LCN6: variants seen among roughly 807,000 people sequenced by gnomAD.
LCN6 encodes epididymal-specific lipocalin-6.
A neutral mutation model predicts 21.4 loss-of-function variants in LCN6; 20 were observed. The ratio of observed to expected loss-of-function variants is 0.93; its 90% CI spans 0.66 to 1.36. LCN6 has a LOEUF of 1.36. Ranked by LOEUF, LCN6 falls within the 40% of genes most tolerant of loss-of-function variation. LCN6 has a pLI of 0.00. For missense variants in LCN6, 217 were observed against 206.6 expected (o/e 1.05, Z -0.31); for synonymous variants, 96 against 89.0 (o/e 1.08, Z -0.44).
rs1213223914 is a variant in LCN6 at position 136,747,438 on chromosome 9, C to T, written c.216G>A (p.Leu72=). 6.2e-7 allele frequency: 1 copy of T among 1,613,354 alleles called. No individual in the cohort carries two copies. The highest frequency in any genetic ancestry group is 2.2e-5 in the East Asian group (1 of 44,894). ...TLTPENNLRT[L]SSQHGLGGCD... ...CGCCCACTCACCCGTGCTGAGAGGA[C>T]AGCGTCCGCAGGTTGTTTTCTGGAG... The change falls in exon 2 of 7, where the codon CTG becomes CTA. Residue 72 remains leucine (L), a synonymous_variant. Coordinates refer to ENST00000341206, the MANE Select transcript of LCN6 (RefSeq NM_198946.3).
Position 136,745,272 on chromosome 9 carries a change from C to G in LCN6, c.310G>C (p.Val104Leu), listed in dbSNP as rs142669236. Reference sequence around the variant, plus strand: ...GTGGCCAGCACCCAGAGCTCCAGCACGCCTATTGCTAGGAAACAAAACCCC... The same window carrying G: ...GTGGCCAGCACCCAGAGCTCCAGCAGGCCTATTGCTAGGAAACAAAACCCC... ...GWVFENPSIG[V>L]LELWVLATNF... Residue 104 changes from valine (V) to leucine (L), a missense_variant, in exon 4 of 7, where the codon GTG becomes CTG. Transcript: ENST00000341206. The G allele has an allele frequency of 1.2e-6, 2 of 1,612,052 alleles. No individual in the cohort carries two copies. The highest frequency in any genetic ancestry group is 1.7e-4 in the Middle Eastern group (1 of 6,060).
At chr9:136,747,639 G>GCTCTCCAGC (rs1847061097) in intron 1 of LCN6, 76 bp from the exon 2 acceptor site, 2 of 971,608 alleles carry the variant, frequency 2.1e-6, no homozygotes, top group African/African-American at 2.9e-5. Context: ...TCCAGCCTCA[G>GCTCTCCAGC]CCTCCAGCCT....
In LCN6 at chr9:136,744,288, C is replaced by A. The variant is rs2811724; in HGVS notation, c.*48+51G>T. ...CCACTGTGCGTAGGGTGGCCTCCCCCACCCCCTTCCCCCAAGAGAGCCCAG... is the reference window on the plus strand; with the variant it reads ...CCACTGTGCGTAGGGTGGCCTCCCCAACCCCCTTCCCCCAAGAGAGCCCAG... On this transcript the variant is annotated intron_variant, in intron 6 of 6. Transcript: ENST00000341206. This position sits in a 1 kb window ranked among gnomAD's most constrained non-coding sequence, Gnocchi z 4.2. 149,520 of 200,472 alleles carry A rather than the reference C, an allele frequency of 0.75. 57,841 individuals carry two copies. The highest frequency in any genetic ancestry group is 0.99 in the East Asian group (8,814 of 8,904). The allele number at this position is 200,472 out of a possible 1,614,324, so 12.4% of individuals were successfully genotyped here.
Position 136,748,386 on chromosome 9 carries a change from G to T in LCN6, c.90+8C>A. The stretch of plus-strand genomic sequence containing the variant: ...GACCAGCTCTCCCCACCCCCAGGAG[G>T]ACTGTACCTGCTCAGGGTCCAGTCT... On this transcript the variant is annotated splice_region_variant and intron_variant, in intron 1 of 6. Coordinates refer to ENST00000341206, the MANE Select transcript of LCN6 (RefSeq NM_198946.3). The T allele has an allele frequency of 6.2e-7, 1 of 1,609,040 alleles. No homozygotes were observed. The highest frequency in any genetic ancestry group is 1.1e-5 in the South Asian group (1 of 90,290).
chr9:136,745,339 G>C, intron 3 of LCN6, 59 bp from the exon 4 acceptor site: 1 of 1,203,884 alleles, frequency 8.3e-7, no homozygotes, highest in Non-Finnish European at 1.2e-6. Flanking sequence ...TCCAGGGGCC[G>C]CTGAGCTGAT....
rs752064359 is a variant in LCN6, at chr9:136,748,379, C to A, written c.90+15G>T. Reference sequence around the variant, plus strand: ...CCCCGAGGACCAGCTCTCCCCACCCCCAGGAGGACTGTACCTGCTCAGGGT... The same window carrying A: ...CCCCGAGGACCAGCTCTCCCCACCCACAGGAGGACTGTACCTGCTCAGGGT... On this transcript the variant is annotated intron_variant, in intron 1 of 6. Transcript: ENST00000341206. 5.0e-6 allele frequency: 8 copies of A among 1,605,898 alleles called. No individual in the cohort carries two copies. The highest frequency in any genetic ancestry group is 1.7e-6 in the Non-Finnish European group (2 of 1,176,192).
chr9:136,746,934 C>G (rs1460273620), intron 2 of LCN6: 1 of 153,612 alleles, frequency 6.5e-6, no homozygotes, highest in Non-Finnish European at 1.4e-5. Context: ...ACGCCGCCAC[C>G]AGCCATGCAT....
chr9:136,744,594 G>T lies in LCN6; in HGVS notation c.*22+46C>A. 3 of 1,276,076 alleles carry T rather than the reference G, an allele frequency of 2.4e-6. No homozygotes were observed. Among genetic ancestry groups the T allele is most frequent in the East Asian group, 4.9e-5 (2 of 40,784 alleles). The allele number at this position is 1,276,076 out of a possible 1,614,324, so 79.0% of individuals were successfully genotyped here. A position where few individuals can be genotyped will look rare whatever the true frequency, so the allele number is the denominator to read the frequency against. On this transcript the variant is annotated intron_variant, in intron 5 of 6. Coordinates refer to ENST00000341206, the MANE Select transcript of LCN6 (RefSeq NM_198946.3). This position sits in a 1 kb window ranked among gnomAD's most constrained non-coding sequence, Gnocchi z 4.2. ...ACCCCATCACGCCCTGTGGGCTCCA[G>T]AACTTGCCCCAAGCCTCCCCCGAGG...
Position 136,744,797 on chromosome 9 carries a change from CGGGGAGGGGCT to C in LCN6, c.413-67_413-57del. The C allele has an allele frequency of 2.0e-6, 1 of 503,638 alleles. No individual in the cohort carries two copies. Among genetic ancestry groups the C allele is most frequent in the Non-Finnish European group, 4.0e-6 (1 of 252,068 alleles). 31.2% of individuals were successfully genotyped at this position (503,638 alleles called of 1,614,324 possible). ...CAACCTCTGAGAGCTGGGGAGGGGC[CGGGGAGGGGCT>C]GGGAAGGGTCAGGAAGGAGGCCACC... On this transcript the variant is annotated intron_variant, in intron 4 of 6. Transcript: ENST00000341206. The surrounding 1 kb of genome is among the most constrained non-coding windows in gnomAD (Gnocchi z 4.2).
chr9:136,745,626 G>A lies in LCN6; in HGVS notation c.301+218C>T. The A allele has an allele frequency of 6.6e-6, 4 of 605,306 alleles. No homozygotes were observed. The Admixed American group carries it at 1.2e-4, about 18-fold the overall frequency. 37.5% of individuals were successfully genotyped at this position (605,306 alleles called of 1,614,324 possible). On this transcript the variant is annotated intron_variant, in intron 3 of 6. Coordinates refer to ENST00000341206, the MANE Select transcript of LCN6 (RefSeq NM_198946.3). The stretch of plus-strand genomic sequence containing the variant: ...CGCCCTCTGCACCTATGGGGACCTT[G>A]GCTGGACCTCACTGGTGTCTGAGCC...
At chr9:136,747,680 A>AGCCGCC (rs1564327577) in intron 1 of LCN6, 117 bp from the exon 2 acceptor site, 1 of 879,698 alleles carries the variant, frequency 1.1e-6, no homozygotes, top group African/African-American at 2.4e-5. Context: ...TCCACCCTCC[A>AGCCGCC]ACCATCCAGC....
chr9:136,745,049 T>C (rs577950865), intron 4 of LCN6, 121 bp downstream of exon 4: 2 of 907,994 alleles, frequency 2.2e-6, no homozygotes, highest in Middle Eastern at 2.4e-4. Context: ...AGCGGCCCAC[T>C]CACCACACAG....
Position 136,744,573 on chromosome 9 carries a change from C to T in LCN6, c.*22+67G>A. 1.0e-6 allele frequency: 1 copy of T among 982,106 alleles called. No individual in the cohort carries two copies. The highest frequency in any genetic ancestry group is 1.6e-6 in the Non-Finnish European group (1 of 635,742). 60.8% of individuals were successfully genotyped at this position (982,106 alleles called of 1,614,324 possible). A position where few individuals can be genotyped will look rare whatever the true frequency, so the allele number is the denominator to read the frequency against. Reference sequence around the variant, plus strand: ...ATCAACCCCAGGGTCTCTGTCACCCCATCACGCCCTGTGGGCTCCAGAACT... The same window carrying T: ...ATCAACCCCAGGGTCTCTGTCACCCTATCACGCCCTGTGGGCTCCAGAACT... On this transcript the variant is annotated intron_variant, in intron 5 of 6. Coordinates refer to ENST00000341206, the MANE Select transcript of LCN6 (RefSeq NM_198946.3). The surrounding 1 kb of genome is among the most constrained non-coding windows in gnomAD (Gnocchi z 4.2).
At chr9:136,745,706 TG>T (rs1847028186) in intron 3 of LCN6, 137 bp downstream of exon 3, 2 of 751,812 alleles carry the variant, frequency 2.7e-6, no homozygotes, top group Non-Finnish European at 4.7e-6. Flanking sequence ...ACCCTCAGGA[TG>T]GGCAGCAATC....
Position 136,747,481 on chromosome 9 carries a change from C to A in LCN6, c.173G>T (p.Gly58Val), listed in dbSNP as rs73554091. The A allele has an allele frequency of 6.2e-7, 1 of 1,613,674 alleles. No homozygotes were observed. The highest frequency in any genetic ancestry group is 8.5e-7 in the Non-Finnish European group (1 of 1,179,876). Residue 58 changes from glycine to valine, a missense_variant, in exon 2 of 7, where the codon GGG (glycine) becomes GTG (valine). By Grantham distance (109) the Gly-to-Val change is moderately radical. Transcript: ENST00000341206. Reference sequence around the variant, plus strand: ...TTCTGGAGTGAGGGTCACCACCACCCCCACGACGTTCTTCATGTCCTTCTC... The same window carrying A: ...TTCTGGAGTGAGGGTCACCACCACCACCACGACGTTCTTCATGTCCTTCTC... Reference protein sequence around the residue: ...AMEKDMKNVVGVVVTLTPENN... With the variant: ...AMEKDMKNVVVVVVTLTPENN...
At position 136,744,976 on chromosome 9, in the gene LCN6, C is replaced by A. The variant is rs188364441; in HGVS notation, c.412+194G>T. Among the ~76,000 whole-genome samples the A allele has an allele frequency of 0.018, 2,784 of 151,230 alleles. 79 individuals carry two copies. The highest frequency in any genetic ancestry group is 0.063 in the African/African-American group (2,567 of 41,038). On this transcript the variant is annotated intron_variant, in intron 4 of 6. Coordinates refer to ENST00000341206, the MANE Select transcript of LCN6 (RefSeq NM_198946.3). The surrounding 1 kb of genome is among the most constrained non-coding windows in gnomAD (Gnocchi z 4.2). ...CATGGCCCCCGAGCGGCCCACTCACCACACAGCTCCCCATGTGGCCCCAAG... is the reference window on the plus strand; with the variant it reads ...CATGGCCCCCGAGCGGCCCACTCACAACACAGCTCCCCATGTGGCCCCAAG...
At chr9:136,745,495 G>A (rs1233028678) in intron 3 of LCN6, 2 of 599,552 alleles carry the variant, frequency 3.3e-6, no homozygotes, top group Non-Finnish European at 5.9e-6. Flanking sequence ...GACACTGACG[G>A]ACAGACAGAC....
chr9:136,744,786 T>C lies in LCN6; in HGVS notation c.413-45A>G. Reference sequence around the variant, plus strand: ...GCAGGGGGAAGCAACCTCTGAGAGCTGGGGAGGGGCCGGGGAGGGGCTGGG... The same window carrying C: ...GCAGGGGGAAGCAACCTCTGAGAGCCGGGGAGGGGCCGGGGAGGGGCTGGG... On this transcript the variant is annotated intron_variant, in intron 4 of 6. Coordinates refer to ENST00000341206, the MANE Select transcript of LCN6 (RefSeq NM_198946.3). This position sits in a 1 kb window ranked among gnomAD's most constrained non-coding sequence, Gnocchi z 4.2. The C allele has an allele frequency of 1.1e-6, 1 of 889,076 alleles. No individual in the cohort carries two copies. Among genetic ancestry groups the C allele is most frequent in the Non-Finnish European group, 1.8e-6 (1 of 567,086 alleles). 55.1% of individuals were successfully genotyped at this position (889,076 alleles called of 1,614,324 possible). A position where few individuals can be genotyped will look rare whatever the true frequency, so the allele number is the denominator to read the frequency against.
chr9:136,747,279 A>G, intron 2 of LCN6, 145 bp downstream of exon 2: 1 of 910,394 alleles, frequency 1.1e-6, no homozygotes. Context: ...CTCTGCACAG[A>G]GCCCAGTGGG....
Sources: allele counts gnomAD v4.1 joint callset (sites outside exome capture counted in the v4.1 genomes callset), GRCh38; gene constraint gnomAD v4.1.1; non-coding constraint Gnocchi (gnomAD v3.1); transcripts MANE v1.5; gene names NCBI Gene and HGNC (gene_info 2026-07-23, HGNC 2026-07-21).